NPAS3: variants seen among roughly 807,000 people sequenced by gnomAD.
The protein encoded by NPAS3 is neuronal PAS domain-containing protein 3.
Under a neutral mutation model 73.1 loss-of-function variants are expected in NPAS3, and 14 were observed. The observed-to-expected ratio is 0.19, with a 90% CI of 0.13 to 0.30. NPAS3 has a LOEUF of 0.30. Among genes scored for constraint, NPAS3 ranks in the 10% least tolerant of loss-of-function variants. The pLI is 1.00. For missense variants in NPAS3, 1,096 were observed against 1,250.0 expected, an observed-to-expected ratio of 0.88 and a Z score of 1.86; for synonymous variants, 620 against 541.5, an observed-to-expected ratio of 1.14 and a Z score of -2.01.
intron 6 of NPAS3, among the ~76,000 whole-genome samples, chr14:33,712,645 C>T (rs1401643958): frequency 6.6e-6 from 1 of 152,190 alleles, no homozygotes; most frequent in Non-Finnish European, 1.5e-5. Context: ...GTTCCTATGG[C>T]ACACTATGTA....
chr14:33,367,239 G>A, exon 4 of NPAS3: 1 of 868,046 alleles, frequency 1.2e-6, no homozygotes, highest in Admixed American at 1.7e-5. Context: ...TGAAGTATTT[G>A]AAGCACATTT....
At chr14:33,502,002 AT>A (rs1268521509) in intron 4 of NPAS3, among the ~76,000 whole-genome samples, 1 of 151,866 alleles carries the variant, frequency 6.6e-6, no homozygotes, top group Non-Finnish European at 1.5e-5. Flanking sequence ...CATCTAATTC[AT>A]CCAATTGCTC....
At chr14:33,032,140 G>A (rs1156403527) in intron 1 of NPAS3, among the ~76,000 whole-genome samples, 1 of 152,192 alleles carries the variant, frequency 6.6e-6, no homozygotes, top group African/African-American at 2.4e-5. Context: ...AATAGTGACT[G>A]CTCATGGTGA....
intron 7 of NPAS3, among the ~76,000 whole-genome samples, chr14:33,754,922 G>A (rs1374370919): frequency 2.6e-5 from 4 of 152,044 alleles, no homozygotes; most frequent in African/African-American, 4.8e-5. Flanking sequence ...TCTCATAGAC[G>A]AGACCATGGA....
intron 1 of NPAS3, among the ~76,000 whole-genome samples, chr14:33,002,359 T>A (rs1404706605): frequency 6.6e-6 from 1 of 152,136 alleles, no homozygotes; most frequent in Admixed American, 6.5e-5. Flanking sequence ...GAGATTTGGA[T>A]AGGTGTTTTC....
chr14:33,281,312 A>G (rs184174043), intron 3 of NPAS3, among the ~76,000 whole-genome samples: 50 of 152,340 alleles, frequency 3.3e-4, no homozygotes, highest in African/African-American at 9.9e-4. Context: ...TTTGTGGCAG[A>G]TGATTTAGAA....
At chr14:33,406,710 G>C (rs1371708) in intron 4 of NPAS3, among the ~76,000 whole-genome samples, 25,505 of 152,052 alleles carry the variant, frequency 0.17, 2,352 homozygotes, top group Admixed American at 0.25. Flanking sequence ...ACAGAATGCT[G>C]TTCCTGATAG....
At chr14:33,308,254 T>C (rs982654057) in intron 3 of NPAS3, among the ~76,000 whole-genome samples, 8 of 152,084 alleles carry the variant, frequency 5.3e-5, no homozygotes, top group Non-Finnish European at 1.0e-4. Flanking sequence ...TACCGTACAT[T>C]ACTGGTGTTT....
At chr14:32,950,807 A>G (rs190652955) in intron 1 of NPAS3, among the ~76,000 whole-genome samples, 6 of 152,258 alleles carry the variant, frequency 3.9e-5, no homozygotes, top group African/African-American at 1.4e-4. Context: ...ATTTTAAAAG[A>G]TAGCTGTAAT....
upstream of NPAS3, among the ~76,000 whole-genome samples, chr14:32,937,243 C>T (rs1193527230): frequency 6.6e-6 from 1 of 152,072 alleles, no homozygotes; most frequent in East Asian, 1.9e-4. Flanking sequence ...TTAGTTTCCG[C>T]TTGGATTTGT....
intron 7 of NPAS3, among the ~76,000 whole-genome samples, chr14:33,765,297 TA>T (rs10552866): frequency 0.067 from 9,670 of 145,126 alleles, 320 homozygotes; most frequent in South Asian, 0.12. Flanking sequence ...ATTTCTGCAT[TA>T]AAAAAAAAAA....
intron 1 of NPAS3, among the ~76,000 whole-genome samples, chr14:33,005,968 A>G (rs1268425582): frequency 6.6e-6 from 1 of 152,162 alleles, no homozygotes; most frequent in African/African-American, 2.4e-5. Flanking sequence ...ACTTGGAAGC[A>G]TGTAACTCCC....
At chr14:33,131,973 G>A (rs1299259764) in intron 2 of NPAS3, among the ~76,000 whole-genome samples, 3 of 152,146 alleles carry the variant, frequency 2.0e-5, no homozygotes, top group Non-Finnish European at 4.4e-5. Flanking sequence ...AACTGTGTCT[G>A]GAGATGGGGC....
chr14:33,262,033 T>C (rs894818362), intron 3 of NPAS3, among the ~76,000 whole-genome samples: 101 of 152,312 alleles, frequency 6.6e-4, no homozygotes, highest in Non-Finnish European at 3.5e-4. Context: ...AGAAAAAGCA[T>C]TGGCTTTAAA....
At chr14:33,438,923 T>A (rs2049110533) in intron 4 of NPAS3, among the ~76,000 whole-genome samples, 1 of 152,216 alleles carries the variant, frequency 6.6e-6, no homozygotes, top group Admixed American at 6.5e-5. Context: ...TGTTGTTGAC[T>A]GTCAGTGACA....
chr14:33,700,870 C>T (rs1595465171), intron 6 of NPAS3, among the ~76,000 whole-genome samples: 1 of 152,182 alleles, frequency 6.6e-6, no homozygotes, highest in Admixed American at 6.5e-5. Flanking sequence ...TGGAAGATTT[C>T]GCTACTATCC....
chr14:33,311,581 A>T (rs1406758895), intron 3 of NPAS3, among the ~76,000 whole-genome samples: 1 of 152,126 alleles, frequency 6.6e-6, no homozygotes, highest in Middle Eastern at 3.2e-3. Context: ...TTTAAGTCAA[A>T]ATCCCAGAAT....
intron 4 of NPAS3, among the ~76,000 whole-genome samples, chr14:33,484,775 G>T (rs2051500314): frequency 6.6e-6 from 1 of 152,166 alleles, no homozygotes. Flanking sequence ...TGATCGGCCA[G>T]CCTGGCACAT....
At chr14:33,013,487 G>T (rs61982379) in intron 1 of NPAS3, among the ~76,000 whole-genome samples, 9,624 of 152,098 alleles carry the variant, frequency 0.063, 396 homozygotes, top group Middle Eastern at 0.17. Flanking sequence ...CATACTTATT[G>T]TATGCCACAC....
Sources: allele counts gnomAD v4.1 joint callset (sites outside exome capture counted in the v4.1 genomes callset), GRCh38; gene constraint gnomAD v4.1.1; transcripts MANE v1.5; gene names NCBI Gene and HGNC (gene_info 2026-07-23, HGNC 2026-07-21).